The following GSG1 variants were observed in gnomAD, a reference collection of about 807,000 sequenced individuals.
GSG1 encodes germ cell-specific gene 1 protein.
Under a neutral mutation model 30.8 loss-of-function variants are expected in GSG1, and 28 were observed. The observed-to-expected ratio is 0.91, with a 90% CI of 0.67 to 1.25. The LOEUF (loss-of-function observed/expected upper bound fraction) is 1.25, where lower values mean the gene tolerates loss of function less well. Ranked by LOEUF, GSG1 falls within the 50% of genes most tolerant of loss-of-function variation. The probability of loss-of-function intolerance (pLI) is 0.00; values close to 1 mark genes in which losing one functional copy is unlikely to be tolerated. For missense variants in GSG1, 435 were observed against 444.7 expected, an observed-to-expected ratio of 0.98 and a Z score of 0.20; for synonymous variants, 162 against 178.0, an observed-to-expected ratio of 0.91 and a Z score of 0.71.
intron 1 of GSG1, among the ~76,000 whole-genome samples, chr12:13,098,461 T>A (rs1862911199): frequency 1.7e-5 from 1 of 59,350 alleles, no homozygotes; most frequent in Non-Finnish European, 4.2e-5. Flanking sequence ...AGCCCATTTT[T>A]TTTTTTTTTT....
chr12:13,088,150 A>C, intron 4 of GSG1, 91 bp from the exon 5 acceptor site: 1 of 1,376,260 alleles, frequency 7.3e-7, no homozygotes, highest in Non-Finnish European at 1.0e-6. Context: ...AGGAGTTAAG[A>C]CCCTAGCAGC....
At chr12:13,086,611 C>A (rs549521953) in intron 6 of GSG1, among the ~76,000 whole-genome samples, 2 of 152,182 alleles carry the variant, frequency 1.3e-5, no homozygotes, top group East Asian at 3.9e-4. Context: ...AAATGACTGA[C>A]CCCTTAGTTC....
intron 1 of GSG1, chr12:13,095,526 A>G (rs1565545050): frequency 9.4e-6 from 13 of 1,378,744 alleles, no homozygotes; most frequent in Non-Finnish European, 1.1e-5. Context: ...AGGCAGGTGC[A>G]CTTCTTAAAA....
intron 1 of GSG1, among the ~76,000 whole-genome samples, chr12:13,099,165 C>G (rs911618114): frequency 6.6e-6 from 1 of 152,148 alleles, no homozygotes; most frequent in African/African-American, 2.4e-5. Flanking sequence ...CTCTTTTTGA[C>G]AAAACATGAG....
In GSG1 at chr12:13,085,036, A is replaced by T; in HGVS notation, c.954T>A (p.Tyr318Ter). Residue 318 changes from tyrosine to a stop codon, truncating the protein, a stop_gained, in exon 7 of 7, where the codon TAT becomes TAA. Coordinates refer to ENST00000651961, the MANE Select transcript of GSG1 (RefSeq NM_001080555.4). LOFTEE classifies it low-confidence loss of function (END_TRUNC). Reference sequence around the variant, plus strand: ...AGACAGAGTGGATGGGCTGATTATGATACTGGTGGTAGCTGGTCAAAGGAC... The same window carrying T: ...AGACAGAGTGGATGGGCTGATTATGTTACTGGTGGTAGCTGGTCAAAGGAC... The part of the protein sequence containing the change: ...TVGPLTSYHQ[Y>*]HNQPIHSVSE... 6.3e-7 allele frequency: 1 copy of T among 1,582,418 alleles called. No homozygotes were observed. The highest frequency in any genetic ancestry group is 8.6e-7 in the Non-Finnish European group (1 of 1,163,596).
At chr12:13,088,967 A>G (rs1865824563) in intron 3 of GSG1, 58 bp from the exon 4 acceptor site, 3 of 1,589,436 alleles carry the variant, frequency 1.9e-6, no homozygotes, top group Non-Finnish European at 2.6e-6. Context: ...TGGAATGAAA[A>G]CCTTCCCCAC....
Position 13,087,342 on chromosome 12 carries a change from C to T in GSG1, c.635-79G>A, listed in dbSNP as rs1865644860. ...GCCAGGAGTACGATTTTGGATCACC[C>T]TTCTTGCAGTCAGGCGCAGCCTCTG... On this transcript the variant is annotated intron_variant, in intron 5 of 6. Transcript: ENST00000651961. The T allele has an allele frequency of 4.5e-5, 48 of 1,065,792 alleles. No individual in the cohort carries two copies. The South Asian group carries it at 5.4e-4, about 12-fold the overall frequency. The allele number at this position is 1,065,792 out of a possible 1,614,324, so 66.0% of individuals were successfully genotyped here. A position where few individuals can be genotyped will look rare whatever the true frequency, so the allele number is the denominator to read the frequency against.
At chr12:13,096,042 T>C (rs1866631908) in intron 1 of GSG1, among the ~76,000 whole-genome samples, 2 of 152,184 alleles carry the variant, frequency 1.3e-5, no homozygotes, top group East Asian at 1.9e-4. Context: ...ACTGCAGAAG[T>C]TTACCTTCCC....
rs765102544 is a variant in GSG1 at position 13,087,202 on chromosome 12, C to T, written c.696G>A (p.Leu232=). 6 of 1,613,998 alleles carry T rather than the reference C, an allele frequency of 3.7e-6. No homozygotes were observed. Among genetic ancestry groups the T allele is most frequent in the Admixed American group, 1.7e-5 (1 of 60,002 alleles). ...YSQVFQATVN[L]GPEDWRPHVW... is the part of the protein sequence containing the mutation. The stretch of plus-strand genomic sequence containing the variant: ...CATGTGGTCTCCAGTCTTCTGGACC[C>T]AAGTTGACAGTCGCTTGGAAGACTT... Residue 232 remains leucine, a synonymous_variant, in exon 6 of 7, where the codon TTG becomes TTA. Transcript: ENST00000651961.
At chr12:13,089,184 A>G (rs1180098880) in intron 3 of GSG1, 24 bp downstream of exon 3, 1 of 1,550,852 alleles carries the variant, frequency 6.4e-7, no homozygotes, top group Non-Finnish European at 8.7e-7. Flanking sequence ...CAGAAGAGTT[A>G]ATGATCTTAG....
chr12:13,090,993 C>T (rs1866073887), intron 1 of GSG1, among the ~76,000 whole-genome samples, 175 bp from the exon 2 acceptor site: 1 of 152,190 alleles, frequency 6.6e-6, no homozygotes, highest in Non-Finnish European at 1.5e-5. Flanking sequence ...GGAAGCCCCG[C>T]TTCAGGAGTG....
chr12:13,093,180 T>C lies in GSG1; in HGVS notation c.49-2362A>G, dbSNP rs1866327846. 6.6e-6 allele frequency among the ~76,000 whole-genome samples: 1 copy of C among 151,912 alleles called. No individual in the cohort carries two copies. The highest frequency in any genetic ancestry group is 1.5e-5 in the Non-Finnish European group (1 of 67,990). ...ATATAATTAATAATTGACAAGGCAA[T>C]TGATAACTTCTGGAAAAGTTTTATG... On this transcript the variant is annotated intron_variant, in intron 1 of 6. Transcript: ENST00000651961. The surrounding 1 kb of genome is among the most constrained non-coding windows in gnomAD (Gnocchi z 4.6).
At position 13,103,478 on chromosome 12, in the gene GSG1, C is replaced by A; in HGVS notation, c.35G>T (p.Cys12Phe). ...CACTGTACCTACCTCCTGGGTGAGGCAAACATTTTGAGTCAGTTGAGAGGG... is the reference window on the plus strand; with the variant it reads ...CACTGTACCTACCTCCTGGGTGAGGAAAACATTTTGAGTCAGTTGAGAGGG... The part of the protein sequence containing the change: ...SDPSQLTQNV[C>F]LTQEMELSKA... Residue 12 changes from cysteine (C) to phenylalanine (F), a missense_variant, in exon 1 of 7, where the codon TGC (cysteine) becomes TTC (phenylalanine). By Grantham distance (205) the Cys-to-Phe change is radical. Coordinates refer to ENST00000651961, the MANE Select transcript of GSG1 (RefSeq NM_001080555.4). 1 of 1,613,874 alleles carries A rather than the reference C, an allele frequency of 6.2e-7. No individual in the cohort carries two copies. The highest frequency in any genetic ancestry group is 1.7e-5 in the Admixed American group (1 of 60,014).
Position 13,101,418 on chromosome 12 carries a change from G to A in GSG1, c.48+2047C>T, listed in dbSNP as rs1048205363. ...CCATGGCTTCCTGACCGGGTCGGGC[G>A]GGGGTACCCGGGCTGTTTCTTCCTC... On this transcript the variant is annotated intron_variant, in intron 1 of 6. Transcript: ENST00000651961. The surrounding 1 kb of genome is among the most constrained non-coding windows in gnomAD (Gnocchi z 5.8). Among the ~76,000 whole-genome samples, 5 of 152,234 alleles carry A rather than the reference G, an allele frequency of 3.3e-5. No homozygotes were observed. Among genetic ancestry groups the A allele is most frequent in the South Asian group, 2.1e-4 (1 of 4,836 alleles).
At chr12:13,086,287 C>CAT (rs1865512787) in intron 6 of GSG1, among the ~76,000 whole-genome samples, 2 of 152,292 alleles carry the variant, frequency 1.3e-5, no homozygotes, top group South Asian at 4.1e-4. Context: ...CTGCATTGAG[C>CAT]TGATGCCCTG....
intron 4 of GSG1, among the ~76,000 whole-genome samples, chr12:13,088,472 A>G (rs567369134): frequency 6.6e-6 from 1 of 152,236 alleles, no homozygotes; most frequent in South Asian, 2.1e-4. Context: ...AATAGTGGAG[A>G]AAAAGGAGGA....
intron 1 of GSG1, 22 bp downstream of exon 1, chr12:13,103,443 A>T: frequency 2.5e-6 from 4 of 1,585,574 alleles, no homozygotes; most frequent in Non-Finnish European, 3.5e-6. Flanking sequence ...TGTTCATGAG[A>T]TTTCAAAATC....
intron 1 of GSG1, among the ~76,000 whole-genome samples, chr12:13,092,993 A>G (rs1215991707): frequency 1.3e-5 from 2 of 151,406 alleles, no homozygotes; most frequent in South Asian, 2.1e-4. Flanking sequence ...ACGGGGTTTC[A>G]CCATATTGGC....
At chr12:13,100,466 T>G (rs1315571162) in intron 1 of GSG1, among the ~76,000 whole-genome samples, 1 of 152,192 alleles carries the variant, frequency 6.6e-6, no homozygotes, top group East Asian at 1.9e-4. Context: ...AGTGATGATC[T>G]CATGAAATAG....
Sources: gnomAD v4.1 joint callset for allele counts (sites outside exome capture counted in the v4.1 genomes callset) on GRCh38, gnomAD v4.1.1 for gene constraint, Gnocchi (gnomAD v3.1) non-coding constraint, MANE v1.5 for transcripts, NCBI Gene and HGNC (gene_info 2026-07-23, HGNC 2026-07-21) for gene names.